BSN: variants seen among roughly 807,000 people sequenced by gnomAD.
The protein encoded by BSN is bassoon presynaptic cytomatrix protein, also known as protein bassoon.
In BSN, 57 loss-of-function variants were observed where a neutral mutation model predicts 264.8. The observed-to-expected ratio is 0.22, with a 90% CI of 0.17 to 0.27. BSN has a LOEUF of 0.27. BSN is among the 10% of genes least tolerant of loss of function. The pLI is 1.00. For missense variants in BSN, 4,615 were observed against 5,232.5 expected, an observed-to-expected ratio of 0.88 and a Z score of 3.64; for synonymous variants, 2,059 against 2,137.3, an observed-to-expected ratio of 0.96 and a Z score of 1.01.
intron 1 of BSN, among the ~76,000 whole-genome samples, chr3:49,557,449 A>G (rs1038939159): frequency 6.6e-6 from 1 of 152,216 alleles, no homozygotes. Flanking sequence ...GTGACACACT[A>G]CCAGATCAAG....
intron 1 of BSN, among the ~76,000 whole-genome samples, chr3:49,557,701 C>T (rs2051684480): frequency 1.3e-5 from 2 of 151,980 alleles, no homozygotes; most frequent in South Asian, 2.1e-4. Flanking sequence ...CCTCAGCCTC[C>T]CGAGTAGCTG....
rs955392828 is a variant in BSN, at chr3:49,650,896, C to T, written c.1803C>T (p.Thr601=). The T allele has an allele frequency of 3.1e-6, 5 of 1,614,080 alleles. No individual in the cohort carries two copies. The highest frequency in any genetic ancestry group is 4.2e-6 in the Non-Finnish European group (5 of 1,180,056). ...KPLRASEPSK[T]PSSVQEKKTR... ...TCAGGGCTTCTGAACCCAGCAAGAC[C>T]CCAAGCAGTGTCCAGGAAAAGAAGA... is the stretch of plus-strand genomic sequence containing the variant. The change falls in exon 4 of 12, where the codon ACC becomes ACT. Residue 601 remains threonine (T), a synonymous_variant. Transcript: ENST00000296452.
intron 1 of BSN, among the ~76,000 whole-genome samples, chr3:49,623,122 G>A (rs2052317618): frequency 6.6e-6 from 1 of 152,174 alleles, no homozygotes; most frequent in Non-Finnish European, 1.5e-5. Flanking sequence ...TCTTCCCCCT[G>A]AAATGGCTTG....
intron 3 of BSN, among the ~76,000 whole-genome samples, chr3:49,646,434 C>T (rs906995114): frequency 2.0e-5 from 3 of 152,226 alleles, no homozygotes; most frequent in Non-Finnish European, 4.4e-5. Flanking sequence ...TCGGGCCTCC[C>T]TGGGCAAAGT....
intron 1 of BSN, among the ~76,000 whole-genome samples, chr3:49,556,617 C>T (rs1358472233): frequency 3.3e-5 from 5 of 152,242 alleles, no homozygotes; most frequent in African/African-American, 1.2e-4. Context: ...AACCAGAGAC[C>T]ATTAGGAGGT....
At chr3:49,613,063 G>A (rs1005490630) in intron 1 of BSN, among the ~76,000 whole-genome samples, 1 of 152,126 alleles carries the variant, frequency 6.6e-6, no homozygotes, top group African/African-American at 2.4e-5. Flanking sequence ...AACCTGGGAG[G>A]CGGAGGTAGC....
At chr3:49,601,591 G>C (rs1048454319) in intron 1 of BSN, among the ~76,000 whole-genome samples, 1 of 152,132 alleles carries the variant, frequency 6.6e-6, no homozygotes, top group Non-Finnish European at 1.5e-5. Flanking sequence ...AGAGCCCAAG[G>C]CTTGGGTGGG....
intron 2 of BSN, among the ~76,000 whole-genome samples, chr3:49,630,320 G>C (rs924509145): frequency 6.6e-6 from 1 of 152,236 alleles, no homozygotes; most frequent in Non-Finnish European, 1.5e-5. Flanking sequence ...AAACAAAATG[G>C]AAGTGGATCT....
At chr3:49,624,025 G>A (rs1264688041) in intron 1 of BSN, among the ~76,000 whole-genome samples, 1 of 151,964 alleles carries the variant, frequency 6.6e-6, no homozygotes, top group African/African-American at 2.4e-5. Flanking sequence ...TTTTGAAATG[G>A]AGTCTCGCTC....
In BSN at chr3:49,657,244, G is replaced by A. The variant is rs377277426; in HGVS notation, c.7688G>A (p.Arg2563Gln). 48 of 1,613,398 alleles carry A rather than the reference G, an allele frequency of 3.0e-5. No homozygotes were observed. Among genetic ancestry groups the A allele is most frequent in the South Asian group, 4.4e-5 (4 of 91,088 alleles). The change falls in exon 5 of 12, where the codon CGG becomes CAG. Residue 2563 changes from arginine to glutamine, a missense_variant. Around this residue, in one of 3 missense-constraint regions of BSN, gnomAD observed 3,415 missense variants for 3,866.4 expected, o/e 0.88. Transcript: ENST00000296452. ...IKKRHSMPRL[R>Q]DACELESGTE... Reference sequence around the variant, plus strand: ...AAGCGGCACTCCATGCCACGCCTGCGGGATGCCTGTGAGCTAGAGTCTGGG... The same window carrying A: ...AAGCGGCACTCCATGCCACGCCTGCAGGATGCCTGTGAGCTAGAGTCTGGG...
In BSN at chr3:49,662,841, G is replaced by A. The variant is rs563647237; in HGVS notation, c.10718-35G>A. On this transcript the variant is annotated intron_variant, in intron 6 of 11. Coordinates refer to ENST00000296452, the MANE Select transcript of BSN (RefSeq NM_003458.4). ...CTAGGCCTCCCCCTGCGGCTAGCCCGGGGGTTGATGGTATTCTGTTTTTGG... is the reference window on the plus strand; with the variant it reads ...CTAGGCCTCCCCCTGCGGCTAGCCCAGGGGTTGATGGTATTCTGTTTTTGG... The A allele has an allele frequency of 6.5e-5, 99 of 1,526,500 alleles. 1 individual carries two copies. The South Asian group carries it at 1.1e-3, about 17-fold the overall frequency. 94.6% of individuals were successfully genotyped at this position (1,526,500 alleles called of 1,614,324 possible). A position where few individuals can be genotyped will look rare whatever the true frequency, so the allele number is the denominator to read the frequency against.
intron 1 of BSN, among the ~76,000 whole-genome samples, chr3:49,610,076 C>T (rs1466634764): frequency 1.3e-5 from 2 of 152,212 alleles, no homozygotes; most frequent in African/African-American, 4.8e-5. Flanking sequence ...CCACTTTTCT[C>T]TGGAACCACC....
At position 49,654,307 on chromosome 3, in the gene BSN, C is replaced by G; in HGVS notation, c.4751C>G (p.Pro1584Arg). Reference sequence around the variant, plus strand: ...GCCTCCACCTCCCCGCTCTGCTCACCTACTGAAACCCAGCCCACCACCCAT... The same window carrying G: ...GCCTCCACCTCCCCGCTCTGCTCACGTACTGAAACCCAGCCCACCACCCAT... ...ASASTSPLCSPTETQPTTHGY... is the reference protein window; with the variant it reads ...ASASTSPLCSRTETQPTTHGY... The change falls in exon 5 of 12, where the codon CCT (proline) becomes CGT (arginine). Residue 1584 changes from proline (P) to arginine (R), a missense_variant. Physicochemically the swap from Pro to Arg is moderately radical, Grantham distance 103. This residue lies in a region of BSN where 3,415 missense variants were observed against 3,866.4 expected (regional missense o/e 0.88). Transcript: ENST00000296452. This position sits in a 1 kb window ranked among gnomAD's most constrained non-coding sequence, Gnocchi z 4.1. 1 of 1,613,778 alleles carries G rather than the reference C, an allele frequency of 6.2e-7. No individual in the cohort carries two copies. The highest frequency in any genetic ancestry group is 1.1e-5 in the South Asian group (1 of 90,978).
chr3:49,605,327 T>A (rs1345202062), intron 1 of BSN, among the ~76,000 whole-genome samples: 2 of 92,750 alleles, frequency 2.2e-5, no homozygotes, highest in Non-Finnish European at 4.0e-5. Context: ...ATATATATAT[T>A]TATAAATATA....
At position 49,660,438 on chromosome 3, in the gene BSN, T is replaced by A. The variant is rs1559618430; in HGVS notation, c.8641-48T>A. The A allele has an allele frequency of 6.6e-7, 1 of 1,512,700 alleles. No individual in the cohort carries two copies. The highest frequency in any genetic ancestry group is 1.4e-5 in the African/African-American group (1 of 71,524). The allele number at this position is 1,512,700 out of a possible 1,614,324, so 93.7% of individuals were successfully genotyped here. ...TTCTGCCACCCCACACCCCATCAAG[T>A]CACCACACCTTGGGTCTCAGTGCTG... is the stretch of plus-strand genomic sequence containing the variant. On this transcript the variant is annotated intron_variant, in intron 5 of 11. Coordinates refer to ENST00000296452, the MANE Select transcript of BSN (RefSeq NM_003458.4). This position sits in a 1 kb window ranked among gnomAD's most constrained non-coding sequence, Gnocchi z 7.1.
intron 1 of BSN, among the ~76,000 whole-genome samples, chr3:49,573,169 A>G (rs2051810949): frequency 6.6e-6 from 1 of 152,234 alleles, no homozygotes; most frequent in South Asian, 2.1e-4. Flanking sequence ...ACCAGAAGCC[A>G]TGAGAACTAA....
In BSN at chr3:49,651,750, C is replaced by A. The variant is rs773422407; in HGVS notation, c.2194C>A (p.Arg732=). The A allele has an allele frequency of 2.3e-5, 37 of 1,613,458 alleles. No individual in the cohort carries two copies. The highest frequency in any genetic ancestry group is 3.1e-5 in the Non-Finnish European group (37 of 1,179,824). The change falls in exon 5 of 12, where the codon CGG becomes AGG. Residue 732 remains arginine (R), a synonymous_variant. Coordinates refer to ENST00000296452, the MANE Select transcript of BSN (RefSeq NM_003458.4). This position sits in a 1 kb window ranked among gnomAD's most constrained non-coding sequence, Gnocchi z 5.4. ...GATCCACAAGGTGGGGAGCAGCATG[C>A]GGCCTTTGCTGCAGGCCCAGGGCCT... The part of the protein sequence containing the change: ...SEIHKVGSSM[R]PLLQAQGLAP...
At chr3:49,611,737 G>A (rs2052208190) in intron 1 of BSN, among the ~76,000 whole-genome samples, 1 of 152,232 alleles carries the variant, frequency 6.6e-6, no homozygotes, top group South Asian at 2.1e-4. Flanking sequence ...GAAGGTCTTA[G>A]TGCAGGAATG....
chr3:49,627,302 T>C (rs1277826082), intron 2 of BSN, among the ~76,000 whole-genome samples: 2 of 152,176 alleles, frequency 1.3e-5, no homozygotes, highest in Non-Finnish European at 2.9e-5. Context: ...AGTTTGGGAA[T>C]TGCTGACCTG....
Sources: allele counts gnomAD v4.1 joint callset (sites outside exome capture counted in the v4.1 genomes callset), GRCh38; gene constraint gnomAD v4.1.1; regional missense constraint gnomAD v4.1.1; non-coding constraint Gnocchi (gnomAD v3.1); transcripts MANE v1.5; gene names NCBI Gene and HGNC (gene_info 2026-07-23, HGNC 2026-07-21).